The following YY1 variants were observed in gnomAD, a reference collection of about 807,000 sequenced individuals.
YY1 encodes YY1 transcription factor, also known as transcriptional repressor protein YY1.
YY1 carries 2 observed loss-of-function variants against 35.6 expected under a neutral mutation model. That is an observed-to-expected ratio of 0.06 (90% CI 0.02 to 0.18). YY1 has a LOEUF of 0.18. YY1 is among the 10% of genes least tolerant of loss of function. The pLI, the probability that YY1 is intolerant of heterozygous loss-of-function variation, is 1.00. For missense variants in YY1, 322 were observed against 573.4 expected (o/e 0.56, Z 4.48); for synonymous variants, 268 against 238.9 (o/e 1.12, Z -1.12).
intron 1 of YY1, among the ~76,000 whole-genome samples, chr14:100,251,069 T>A (rs1249002373): frequency 6.6e-6 from 1 of 152,112 alleles, no homozygotes; most frequent in Non-Finnish European, 1.5e-5. Context: ...ACTGGTTGAC[T>A]GGTTGACTGA....
At position 100,277,025 on chromosome 14, in the gene YY1, G is replaced by A. The variant is rs774881350; in HGVS notation, c.1062+377G>A. 1.4e-4 allele frequency: 57 copies of A among 411,852 alleles called. No individual in the cohort carries two copies. Among genetic ancestry groups the A allele is most frequent in the Non-Finnish European group, 1.5e-4 (34 of 222,568 alleles). The allele number at this position is 411,852 out of a possible 1,614,324, so 25.5% of individuals were successfully genotyped here. ...ATAAAGTTTCTAGAGTGTAAGTATA[G>A]GTAATACTTTAGCCCATAAATAAGT... On this transcript the variant is annotated intron_variant, in intron 4 of 4. Transcript: ENST00000262238. This position sits in a 1 kb window ranked among gnomAD's most constrained non-coding sequence, Gnocchi z 5.6.
rs533382643 is a variant in YY1 at position 100,264,785 on chromosome 14, A to G, written c.842+2319A>G. 2.0e-5 allele frequency among the ~76,000 whole-genome samples: 3 copies of G among 152,336 alleles called. No individual in the cohort carries two copies. The South Asian group carries it at 6.2e-4, about 32-fold the overall frequency. ...TGAAGGCCTGAGTTAGAATTGTGGC[A>G]GTCAGATAACAAAGGAATAAATGTG... On this transcript the variant is annotated intron_variant, in intron 2 of 4. Transcript: ENST00000262238.
At chr14:100,252,618 C>G (rs1334996737) in intron 1 of YY1, among the ~76,000 whole-genome samples, 1 of 152,162 alleles carries the variant, frequency 6.6e-6, no homozygotes, top group East Asian at 1.9e-4. Flanking sequence ...CACCTTACCC[C>G]CTTTGAATCA....
At chr14:100,251,707 GT>G (rs1890927497) in intron 1 of YY1, among the ~76,000 whole-genome samples, 1 of 152,116 alleles carries the variant, frequency 6.6e-6, no homozygotes, top group Non-Finnish European at 1.5e-5. Flanking sequence ...ATGTTACCTT[GT>G]TTTAGCCTTA....
intron 1 of YY1, among the ~76,000 whole-genome samples, chr14:100,245,634 T>G (rs576065042): frequency 6.6e-6 from 1 of 151,500 alleles, no homozygotes; most frequent in African/African-American, 2.4e-5. Flanking sequence ...TGAAACGGAG[T>G]CTCGCTTTGT....
In YY1 at chr14:100,239,148, C is replaced by T. The variant is rs1236426538; in HGVS notation, c.-97C>T. 3.2e-6 allele frequency: 4 copies of T among 1,239,466 alleles called. No homozygotes were observed. Among genetic ancestry groups the T allele is most frequent in the Non-Finnish European group, 3.0e-6 (3 of 985,644 alleles). 76.8% of individuals were successfully genotyped at this position (1,239,466 alleles called of 1,614,324 possible). The stretch of plus-strand genomic sequence containing the variant: ...CCCCGCCCGCTCGCCGCCTTCCTCC[C>T]TCTGCCTTCCTTCCCCACGGCCGGC... On this transcript the variant is annotated 5_prime_UTR_variant, in exon 1 of 5. Coordinates refer to ENST00000262238, the MANE Select transcript of YY1 (RefSeq NM_003403.5).
intron 1 of YY1, among the ~76,000 whole-genome samples, chr14:100,254,164 CAT>C (rs1438938168): frequency 2.6e-5 from 4 of 152,252 alleles, no homozygotes; most frequent in South Asian, 2.1e-4. Context: ...AAGAAAGAAA[CAT>C]ATGTACATAT....
At position 100,279,919 on chromosome 14, in the gene YY1, C is replaced by T. The variant is rs1439298403; in HGVS notation, c.*2319C>T. The T allele has an allele frequency of 1.3e-5, 2 of 152,344 alleles. No individual in the cohort carries two copies. Among genetic ancestry groups the T allele is most frequent in the Non-Finnish European group, 2.9e-5 (2 of 68,150 alleles). 9.4% of individuals were successfully genotyped at this position (152,344 alleles called of 1,614,324 possible). A position where few individuals can be genotyped will look rare whatever the true frequency, so the allele number is the denominator to read the frequency against. On this transcript the variant is annotated 3_prime_UTR_variant, in exon 5 of 5. Coordinates refer to ENST00000262238, the MANE Select transcript of YY1 (RefSeq NM_003403.5). ...AGCCAGGCTCCTGTGTGGATGAAGT[C>T]CCTCTTCCTCTGTGCCTTGATCCCT...
At chr14:100,251,217 C>T (rs1890919897) in intron 1 of YY1, among the ~76,000 whole-genome samples, 1 of 152,150 alleles carries the variant, frequency 6.6e-6, no homozygotes, top group East Asian at 1.9e-4. Context: ...AATGTAATCA[C>T]ACAAGTGTCC....
intron 2 of YY1, among the ~76,000 whole-genome samples, chr14:100,272,000 C>T (rs1891245434): frequency 6.6e-6 from 1 of 151,884 alleles, no homozygotes; most frequent in African/African-American, 2.4e-5. Flanking sequence ...AATCCATTTA[C>T]GAGAAAGGAC....
chr14:100,239,382 GGAGGACGACGACGAC>G lies in YY1; in HGVS notation c.146_160del (p.Asp49_Asp53del), dbSNP rs1890686823. 6.2e-7 allele frequency: 1 copy of G among 1,600,970 alleles called. No individual in the cohort carries two copies. Among genetic ancestry groups the G allele is most frequent in the Non-Finnish European group, 8.5e-7 (1 of 1,174,586 alleles). On this transcript the variant is annotated inframe_deletion, in exon 1 of 5. Transcript: ENST00000262238. ...CCACAGTGGTGGGCGAGGAGGAGGA[GGAGGACGACGACGAC>G]GAGGACGGCGGCGGTGGCGACCACG... is the stretch of plus-strand genomic sequence containing the variant.
chr14:100,249,880 TCTC>T (rs1211691530), intron 1 of YY1, among the ~76,000 whole-genome samples: 3 of 151,914 alleles, frequency 2.0e-5, no homozygotes, highest in Admixed American at 6.6e-5. Context: ...TTCAAGCAAT[TCTC>T]CTACTTCAGG....
intron 1 of YY1, among the ~76,000 whole-genome samples, chr14:100,257,711 T>G (rs1891024334): frequency 6.6e-6 from 1 of 152,218 alleles, no homozygotes; most frequent in African/African-American, 2.4e-5. Context: ...CTTGGACTTC[T>G]AGCTTCCGAA....
intron 2 of YY1, among the ~76,000 whole-genome samples, chr14:100,267,817 C>T (rs1442854129): frequency 1.3e-5 from 2 of 152,214 alleles, no homozygotes; most frequent in Non-Finnish European, 2.9e-5. Flanking sequence ...CCACTGCGCC[C>T]GGCCTCTAAC....
intron 1 of YY1, among the ~76,000 whole-genome samples, chr14:100,248,702 T>A (rs559331983): frequency 2.8e-4 from 40 of 143,126 alleles, no homozygotes; most frequent in African/African-American, 7.3e-4. Flanking sequence ...TTTTTTTTTT[T>A]ATTGAAACGG....
intron 1 of YY1, among the ~76,000 whole-genome samples, chr14:100,252,346 A>AG: frequency 6.6e-6 from 1 of 152,228 alleles, no homozygotes; most frequent in East Asian, 1.9e-4. Context: ...GGGATGGGCC[A>AG]GCGGCTTATT....
intron 1 of YY1, among the ~76,000 whole-genome samples, chr14:100,247,291 C>T (rs1890847839): frequency 1.3e-5 from 2 of 152,126 alleles, no homozygotes; most frequent in South Asian, 2.1e-4. Flanking sequence ...TTTTATTTAA[C>T]TCTTGATCTG....
chr14:100,276,195 C>A lies in YY1; in HGVS notation c.904-295C>A. On this transcript the variant is annotated intron_variant, in intron 3 of 4. Coordinates refer to ENST00000262238, the MANE Select transcript of YY1 (RefSeq NM_003403.5). The surrounding 1 kb of genome is among the most constrained non-coding windows in gnomAD (Gnocchi z 4.1). Reference sequence around the variant, plus strand: ...GAGCTGGAAGCCAGGGTGTTGGGTTCTATTCCCAGTTTGGCTACTACTAGT... The same window carrying A: ...GAGCTGGAAGCCAGGGTGTTGGGTTATATTCCCAGTTTGGCTACTACTAGT... The A allele has an allele frequency of 2.5e-6, 1 of 404,086 alleles. No individual in the cohort carries two copies. Among genetic ancestry groups the A allele is most frequent in the East Asian group, 5.6e-5 (1 of 17,872 alleles). 25.0% of individuals were successfully genotyped at this position (404,086 alleles called of 1,614,324 possible).
chr14:100,244,108 C>CAA (rs996921204), intron 1 of YY1, among the ~76,000 whole-genome samples: 10 of 111,002 alleles, frequency 9.0e-5, no homozygotes, highest in East Asian at 2.6e-4. Flanking sequence ...ACTCCGTCTC[C>CAA]AAAAAAAAAA....
Sources: allele counts gnomAD v4.1 joint callset (sites outside exome capture counted in the v4.1 genomes callset), GRCh38; gene constraint gnomAD v4.1.1; non-coding constraint Gnocchi (gnomAD v3.1); transcripts MANE v1.5; gene names NCBI Gene and HGNC (gene_info 2026-07-23, HGNC 2026-07-21).